The following WNT6 variants were observed in gnomAD, a reference collection of about 807,000 sequenced individuals.
The protein encoded by WNT6 is protein Wnt-6.
Under a neutral mutation model 33.1 loss-of-function variants are expected in WNT6, and 27 were observed. The ratio of observed to expected loss-of-function variants is 0.82; its 90% CI spans 0.60 to 1.12. The LOEUF (loss-of-function observed/expected upper bound fraction) is 1.12, where lower values mean the gene tolerates loss of function less well. Among genes scored for constraint, WNT6 ranks in the 50% most tolerant of loss-of-function variants. The pLI, the probability that WNT6 is intolerant of heterozygous loss-of-function variation, is 0.00. For missense variants in WNT6, 494 were observed against 535.3 expected (o/e 0.92, Z 0.76); for synonymous variants, 249 against 242.8 (o/e 1.03, Z -0.24).
intron 1 of WNT6, 52 bp downstream of exon 1, chr2:218,860,169 G>A (rs756217505): frequency 3.4e-6 from 5 of 1,469,930 alleles, no homozygotes; most frequent in African/African-American, 2.9e-5. Flanking sequence ...TGGGGACCCC[G>A]GGACCCAGGA....
intron 1 of WNT6, among the ~76,000 whole-genome samples, chr2:218,868,251 T>A (rs1944369652): frequency 6.6e-6 from 1 of 152,130 alleles, no homozygotes; most frequent in Non-Finnish European, 1.5e-5. Flanking sequence ...CTGGCCTCCA[T>A]ACTCCTCGTG....
chr2:218,873,514 G>A lies in WNT6; in HGVS notation c.767G>A (p.Gly256Asp). The change falls in exon 4 of 4, where the codon GGC (glycine) becomes GAC (aspartate). Residue 256 changes from glycine to aspartate, a missense_variant. Coordinates refer to ENST00000233948, the MANE Select transcript of WNT6 (RefSeq NM_006522.4). The surrounding 1 kb of genome is among the most constrained non-coding windows in gnomAD (Gnocchi z 6.1). The part of the protein sequence containing the change: ...VGARLLERFH[G>D]ASRVMGTNDG... ...GCGCGGCTGCTGGAGCGCTTCCACG[G>A]CGCCTCACGCGTCATGGGCACCAAC... The A allele has an allele frequency of 6.5e-7, 1 of 1,538,308 alleles. No individual in the cohort carries two copies. Among genetic ancestry groups the A allele is most frequent in the Non-Finnish European group, 8.7e-7 (1 of 1,146,422 alleles).
In WNT6 at chr2:218,871,621, C is replaced by T. The variant is rs1944402313; in HGVS notation, c.438C>T (p.Ser146=). The T allele has an allele frequency of 1.4e-6, 2 of 1,467,266 alleles. No homozygotes were observed. The highest frequency in any genetic ancestry group is 2.6e-5 in the Admixed American group (1 of 38,446). 90.9% of individuals were successfully genotyped at this position (1,467,266 alleles called of 1,614,324 possible). A position where few individuals can be genotyped will look rare whatever the true frequency, so the allele number is the denominator to read the frequency against. ...GCGGGCGGGCCCCTCCCCGGCCCTC[C>T]GGCCTGCCCGGCACCCCCGGACCCC... The part of the protein sequence containing the change: ...APRGRAPPRP[S]GLPGTPGPPG... The change falls in exon 3 of 4, where the codon TCC becomes TCT. Residue 146 remains serine, a synonymous_variant. Transcript: ENST00000233948. This position sits in a 1 kb window ranked among gnomAD's most constrained non-coding sequence, Gnocchi z 6.4.
chr2:218,870,921 G>C, intron 1 of WNT6, 106 bp from the exon 2 acceptor site: 7 of 1,051,816 alleles, frequency 6.7e-6, no homozygotes, highest in Non-Finnish European at 9.7e-6. Context: ...GGGTGGGAGG[G>C]CATGTCACAG....
In WNT6 at chr2:218,873,562, C is replaced by T; in HGVS notation, c.815C>T (p.Ala272Val). ...AACGACGGCAAGGCCCTGCTGCCCG[C>T]CGTCCGCACGCTCAAGCCGCCGGGC... ...GTNDGKALLP[A>V]VRTLKPPGRA... Residue 272 changes from alanine (A) to valine (V), a missense_variant, in exon 4 of 4, where the codon GCC (alanine) becomes GTC (valine). By Grantham distance (64) the Ala-to-Val change is moderately conservative. Coordinates refer to ENST00000233948, the MANE Select transcript of WNT6 (RefSeq NM_006522.4). This position sits in a 1 kb window ranked among gnomAD's most constrained non-coding sequence, Gnocchi z 6.1. The T allele has an allele frequency of 6.5e-7, 1 of 1,538,202 alleles. No individual in the cohort carries two copies.
intron 1 of WNT6, among the ~76,000 whole-genome samples, chr2:218,865,269 A>G (rs373027518): frequency 6.6e-6 from 1 of 152,134 alleles, no homozygotes; most frequent in South Asian, 2.1e-4. Context: ...TGGCCGCAGG[A>G]CGCCTGTCCT....
rs753466799 is a variant in WNT6, at chr2:218,871,471, G to C, written c.302-14G>C. On this transcript the variant is annotated splice_polypyrimidine_tract_variant and intron_variant, in intron 2 of 3. Transcript: ENST00000233948. The surrounding 1 kb of genome is among the most constrained non-coding windows in gnomAD (Gnocchi z 6.4). ...GCCCCAGCCCGCGCTGATTGCACCT[G>C]TCTGCATTCACAGACATTCGGGAGA... The C allele has an allele frequency of 6.3e-7, 1 of 1,596,546 alleles. No homozygotes were observed. Among genetic ancestry groups the C allele is most frequent in the Admixed American group, 1.7e-5 (1 of 59,678 alleles).
At position 218,860,026 on chromosome 2, in the gene WNT6, A is replaced by T. The variant is rs1944291705; in HGVS notation, c.-12A>T. 2 of 1,478,842 alleles carry T rather than the reference A, an allele frequency of 1.4e-6. No individual in the cohort carries two copies. The highest frequency in any genetic ancestry group is 1.8e-6 in the Non-Finnish European group (2 of 1,119,054). The allele number at this position is 1,478,842 out of a possible 1,614,324, so 91.6% of individuals were successfully genotyped here. A position where few individuals can be genotyped will look rare whatever the true frequency, so the allele number is the denominator to read the frequency against. On this transcript the variant is annotated 5_prime_UTR_variant, in exon 1 of 4. Coordinates refer to ENST00000233948, the MANE Select transcript of WNT6 (RefSeq NM_006522.4). ...GCCCCCTGCCCACCCGGGCGGCCGT[A>T]GGGCGGTCACGATGCTGCCGCCCTT... is the stretch of plus-strand genomic sequence containing the variant.
rs1310739989 is a variant in WNT6, at chr2:218,867,142, A to G, written c.81-3885A>G. Among the ~76,000 whole-genome samples, 2 of 152,104 alleles carry G rather than the reference A, an allele frequency of 1.3e-5. No homozygotes were observed. The highest frequency in any genetic ancestry group is 2.4e-5 in the African/African-American group (1 of 41,408). On this transcript the variant is annotated intron_variant, in intron 1 of 3. Transcript: ENST00000233948. The surrounding 1 kb of genome is among the most constrained non-coding windows in gnomAD (Gnocchi z 4.9). Reference sequence around the variant, plus strand: ...CTAGGGGTACGGGGCTGTGTGGAGGATGGTGTGGGAGGCCACTGGAAGTCT... The same window carrying G: ...CTAGGGGTACGGGGCTGTGTGGAGGGTGGTGTGGGAGGCCACTGGAAGTCT...
intron 1 of WNT6, among the ~76,000 whole-genome samples, chr2:218,868,522 GA>G (rs899593283): frequency 1.3e-5 from 2 of 152,114 alleles, no homozygotes; most frequent in Non-Finnish European, 2.9e-5. Flanking sequence ...CAGAGCCCCC[GA>G]CTCACAGGTG....
intron 1 of WNT6, among the ~76,000 whole-genome samples, chr2:218,869,558 C>T (rs1448473942): frequency 6.6e-6 from 1 of 152,154 alleles, no homozygotes; most frequent in Non-Finnish European, 1.5e-5. Context: ...TCTCCTGGGA[C>T]CCCTACCCCC....
intron 1 of WNT6, among the ~76,000 whole-genome samples, chr2:218,866,940 GC>G (rs1241416155): frequency 6.6e-6 from 1 of 152,162 alleles, no homozygotes; most frequent in Non-Finnish European, 1.5e-5. Flanking sequence ...AATGAGAGGC[GC>G]CCCGGGTGAT....
chr2:218,862,330 T>G (rs1418975608), intron 1 of WNT6, among the ~76,000 whole-genome samples: 3 of 152,186 alleles, frequency 2.0e-5, no homozygotes, highest in Non-Finnish European at 2.9e-5. Context: ...TTGTTTTTCT[T>G]TCTTTATTTC....
At chr2:218,872,025 G>T (rs139676080) in intron 3 of WNT6, among the ~76,000 whole-genome samples, 1 of 151,964 alleles carries the variant, frequency 6.6e-6, no homozygotes, top group African/African-American at 2.4e-5. Flanking sequence ...AAGGAGTCAC[G>T]TGGGGGTCTG....
At chr2:218,870,997 A>T (rs1279543634) in intron 1 of WNT6, 30 bp from the exon 2 acceptor site, 1 of 1,548,136 alleles carries the variant, frequency 6.5e-7, no homozygotes, top group South Asian at 1.2e-5. Context: ...TTTGGGTTAC[A>T]CCCCTGACCT....
chr2:218,865,092 C>G (rs1944343582), intron 1 of WNT6, among the ~76,000 whole-genome samples: 2 of 152,342 alleles, frequency 1.3e-5, no homozygotes, highest in South Asian at 4.1e-4. Flanking sequence ...GGGTGCAGCC[C>G]CCTCCTGCCC....
intron 1 of WNT6, among the ~76,000 whole-genome samples, chr2:218,861,134 G>GC (rs1393801072): frequency 6.6e-6 from 1 of 151,980 alleles, no homozygotes; most frequent in Non-Finnish European, 1.5e-5. Flanking sequence ...CTCCTCCCTC[G>GC]CCCCCCAGAT....
chr2:218,873,647 C>T lies in WNT6; in HGVS notation c.900C>T (p.Thr300=), dbSNP rs1371439741. The T allele has an allele frequency of 1.3e-6, 2 of 1,581,414 alleles. No homozygotes were observed. The highest frequency in any genetic ancestry group is 2.3e-5 in the East Asian group (1 of 42,664). The change falls in exon 4 of 4, where the codon ACC becomes ACT. Residue 300 remains threonine, a synonymous_variant. Transcript: ENST00000233948. This position sits in a 1 kb window ranked among gnomAD's most constrained non-coding sequence, Gnocchi z 6.1. The part of the protein sequence containing the change: ...SPDFCAPNRR[T]GSPGTRGRAC... ...ACTTCTGCGCCCCCAACCGACGCAC[C>T]GGCTCCCCCGGCACGCGCGGTCGCG... is the stretch of plus-strand genomic sequence containing the variant.
intron 1 of WNT6, among the ~76,000 whole-genome samples, chr2:218,864,433 T>G (rs1944336161): frequency 2.0e-5 from 3 of 152,014 alleles, no homozygotes; most frequent in Admixed American, 1.3e-4. Flanking sequence ...TAATTTTTTT[T>G]TTTTAGTATT....
Sources: gnomAD v4.1 joint callset for allele counts (sites outside exome capture counted in the v4.1 genomes callset) on GRCh38, gnomAD v4.1.1 for gene constraint, Gnocchi (gnomAD v3.1) non-coding constraint, MANE v1.5 for transcripts, NCBI Gene and HGNC (gene_info 2026-07-23, HGNC 2026-07-21) for gene names.